The following CPO variants were observed in gnomAD, a reference collection of about 807,000 sequenced individuals.
The protein encoded by CPO is carboxypeptidase O.
CPO carries 43 observed loss-of-function variants against 41.2 expected under a neutral mutation model. The ratio of observed to expected loss-of-function variants is 1.04; its 90% CI spans 0.82 to 1.35. The LOEUF (loss-of-function observed/expected upper bound fraction) is 1.35. CPO is among the 40% of genes most tolerant of loss of function. CPO has a pLI of 0.00. For synonymous variants in CPO, 178 were observed against 162.7 expected (o/e 1.09, Z -0.72); for missense variants, 408 against 451.7 (o/e 0.90, Z 0.88).
chr2:206,957,672 G>A (rs376031021), intron 3 of CPO, among the ~76,000 whole-genome samples: 5 of 152,156 alleles, frequency 3.3e-5, no homozygotes, highest in African/African-American at 1.2e-4. Flanking sequence ...TCCACAATTA[G>A]CAGTTAATTC....
intron 3 of CPO, among the ~76,000 whole-genome samples, chr2:206,957,948 G>A (rs572860743): frequency 2.0e-5 from 3 of 152,284 alleles, no homozygotes; most frequent in Non-Finnish European, 4.4e-5. Context: ...AAGTGCAAAG[G>A]TTTTATAAGG....
Position 206,949,604 on chromosome 2 carries a change from C to G in CPO, c.69-13C>G. On this transcript the variant is annotated splice_polypyrimidine_tract_variant and intron_variant, in intron 1 of 8. Transcript: ENST00000272852. ...TCACCACTGCTTTTCCTCTTACTTT[C>G]TTCCCTTTGCAGATCCTTAGCCCAA... The G allele has an allele frequency of 6.2e-7, 1 of 1,602,820 alleles. No homozygotes were observed. Among genetic ancestry groups the G allele is most frequent in the South Asian group, 1.1e-5 (1 of 90,700 alleles).
rs1434251287 is a variant in CPO, at chr2:206,969,395, A to G, written c.1084A>G (p.Met362Val). 2 of 1,614,046 alleles carry G rather than the reference A, an allele frequency of 1.2e-6. No individual in the cohort carries two copies. Among genetic ancestry groups the G allele is most frequent in the Non-Finnish European group, 1.7e-6 (2 of 1,179,992 alleles). The change falls in exon 9 of 9, where the codon ATG becomes GTG. Residue 362 changes from methionine to valine, a missense_variant. Transcript: ENST00000272852. ...DSAGRVTSAT[M>V]LLGLLVSCMS... ...TGCTGGAAGGGTGACATCTGCCACT[A>G]TGCTGCTGGGCCTGCTGGTGTCCTG...
At chr2:206,967,366 G>GATATATATATCTATATATAGATAT (rs1491061719) in intron 7 of CPO, among the ~76,000 whole-genome samples, 1 of 82,084 alleles carries the variant, frequency 1.2e-5, no homozygotes, top group Admixed American at 1.1e-4. Flanking sequence ...TATAGATATA[G>GATATATATATCTATATATAGATAT]ATATAGATAT....
chr2:206,939,709 G>C, intron 1 of CPO, 42 bp downstream of exon 1: 1 of 1,554,172 alleles, frequency 6.4e-7, no homozygotes, highest in Non-Finnish European at 8.9e-7. Flanking sequence ...TTATAATTTA[G>C]ATTGTCTAAA....
rs181286860 is a variant in CPO at position 206,963,087 on chromosome 2, C to T, written c.777+473C>T. On this transcript the variant is annotated intron_variant, in intron 7 of 8. Coordinates refer to ENST00000272852, the MANE Select transcript of CPO (RefSeq NM_173077.3). Reference sequence around the variant, plus strand: ...TGCTCTATTTTCTTCTAAACTCTTCCTTCAGTATTTGCCTAGGATTATTTG... The same window carrying T: ...TGCTCTATTTTCTTCTAAACTCTTCTTTCAGTATTTGCCTAGGATTATTTG... 2.0e-5 allele frequency among the ~76,000 whole-genome samples: 3 copies of T among 152,218 alleles called. No homozygotes were observed. The East Asian group carries it at 5.8e-4, about 29-fold the overall frequency.
At chr2:206,949,737 G>T (rs755255353) in intron 2 of CPO, 24 bp downstream of exon 2, 11 of 1,505,936 alleles carry the variant, frequency 7.3e-6, no homozygotes, top group Non-Finnish European at 9.2e-6. Flanking sequence ...CATGGCAGGA[G>T]GTTGGTGGTT....
intron 2 of CPO, among the ~76,000 whole-genome samples, chr2:206,951,148 C>T (rs1360991911): frequency 6.6e-6 from 1 of 151,876 alleles, no homozygotes; most frequent in Non-Finnish European, 1.5e-5. Flanking sequence ...ATAGACAAGA[C>T]CATGTAAATT....
At chr2:206,967,331 C>CTATATATATATATATATATATATATA (rs200615925) in intron 7 of CPO, among the ~76,000 whole-genome samples, 7 of 118,514 alleles carry the variant, frequency 5.9e-5, no homozygotes, top group African/African-American at 2.1e-4. Flanking sequence ...CTCTGAAATG[C>CTATATATATATATATATATATATATA]TATATATATA....
At chr2:206,955,916 A>C (rs1405319468) in intron 3 of CPO, among the ~76,000 whole-genome samples, 1 of 152,160 alleles carries the variant, frequency 6.6e-6, no homozygotes, top group Non-Finnish European at 1.5e-5. Context: ...ATATTTTTAA[A>C]TTTTAAAATG....
At chr2:206,943,771 T>TAGAC (rs1553510353) in intron 1 of CPO, among the ~76,000 whole-genome samples, 1 of 141,262 alleles carries the variant, frequency 7.1e-6, no homozygotes, top group African/African-American at 2.7e-5. Flanking sequence ...GATAGATAGA[T>TAGAC]AGATAGATGA....
chr2:206,953,895 C>T (rs1465626732), intron 2 of CPO, among the ~76,000 whole-genome samples: 3 of 152,232 alleles, frequency 2.0e-5, no homozygotes, highest in Admixed American at 2.0e-4. Flanking sequence ...GCAGGCTCAA[C>T]ACTATGGGGA....
At chr2:206,964,143 C>T (rs1367033630) in intron 7 of CPO, among the ~76,000 whole-genome samples, 1 of 152,182 alleles carries the variant, frequency 6.6e-6, no homozygotes, top group Non-Finnish European at 1.5e-5. Flanking sequence ...GCACATCTCC[C>T]TCCGGAGCAC....
At chr2:206,964,157 C>T (rs1298389892) in intron 7 of CPO, among the ~76,000 whole-genome samples, 1 of 152,142 alleles carries the variant, frequency 6.6e-6, no homozygotes, top group African/African-American at 2.4e-5. Context: ...GGAGCACGAC[C>T]CAGAAGACAC....
chr2:206,960,585 G>A (rs17597007), intron 5 of CPO, among the ~76,000 whole-genome samples: 14,535 of 152,258 alleles, frequency 0.095, 825 homozygotes, highest in East Asian at 0.21. Flanking sequence ...CTGCTAATCT[G>A]CTCATGAGGA....
intron 1 of CPO, among the ~76,000 whole-genome samples, chr2:206,947,588 A>C (rs1479225604): frequency 6.6e-6 from 1 of 152,188 alleles, no homozygotes; most frequent in Non-Finnish European, 1.5e-5. Flanking sequence ...ACTTTGCAAA[A>C]GACAATGTTA....
chr2:206,954,900 G>A (rs1316312828), intron 2 of CPO, among the ~76,000 whole-genome samples: 2 of 152,130 alleles, frequency 1.3e-5, no homozygotes, highest in African/African-American at 2.4e-5. Context: ...GATCTTGTGA[G>A]ACTTATTCAC....
At position 206,949,661 on chromosome 2, in the gene CPO, G is replaced by A. The variant is rs1463264799; in HGVS notation, c.113G>A (p.Ser38Asn). Residue 38 changes from serine to asparagine, a missense_variant, in exon 2 of 9, where the codon AGT becomes AAT. Transcript: ENST00000272852. The stretch of plus-strand genomic sequence containing the variant: ...CAAGAGATTGTGGACAAGTCAGTGA[G>A]TCCATGGAGCCTGGAGACGTATTCC... ...HRQEIVDKSV[S>N]PWSLETYSYN... is the part of the protein sequence containing the mutation. 1.1e-5 allele frequency: 18 copies of A among 1,613,458 alleles called. No homozygotes were observed. The highest frequency in any genetic ancestry group is 1.4e-5 in the Non-Finnish European group (16 of 1,179,586).
intron 2 of CPO, among the ~76,000 whole-genome samples, chr2:206,951,361 G>A (rs546518020): frequency 6.6e-5 from 10 of 152,264 alleles, no homozygotes; most frequent in East Asian, 3.9e-4. Flanking sequence ...ACTTATGTAC[G>A]TGTGTGTATG....
Sources: gnomAD v4.1 joint callset for allele counts (sites outside exome capture counted in the v4.1 genomes callset) on GRCh38, gnomAD v4.1.1 for gene constraint, MANE v1.5 for transcripts, NCBI Gene and HGNC (gene_info 2026-07-23, HGNC 2026-07-21) for gene names.